Variants in PXDNL observed in about 807,000 individuals in gnomAD.
PXDNL encodes the protein probable oxidoreductase PXDNL.
PXDNL carries 145 observed loss-of-function variants against 150.8 expected under a neutral mutation model. The observed-to-expected ratio is 0.96, with a 90% CI of 0.84 to 1.10. The LOEUF is 1.10. PXDNL is among the 50% of genes least tolerant of loss of function. The pLI, the probability that PXDNL is intolerant of heterozygous loss-of-function variation, is 0.00. For missense variants in PXDNL, 2,087 were observed against 1,873.9 expected (o/e 1.11, Z -2.10); for synonymous variants, 757 against 725.7 (o/e 1.04, Z -0.69).
At chr8:51,486,577 G>A (rs1810741922) in intron 5 of PXDNL, among the ~76,000 whole-genome samples, 1 of 150,810 alleles carries the variant, frequency 6.6e-6, no homozygotes, top group Admixed American at 6.6e-5. Context: ...ATTTGCATGG[G>A]GTGCAAAAAT....
chr8:51,319,763 G>T lies in PXDNL; in HGVS notation c.*128C>A. ...AAGATCGTAAGTATATGTAAGATTA[G>T]ATGAACTAAGTTGCTTAAGTCAGTG... On this transcript the variant is annotated 3_prime_UTR_variant, in exon 23 of 23. Transcript: ENST00000356297. 1.4e-6 allele frequency: 1 copy of T among 692,780 alleles called. No individual in the cohort carries two copies. Among genetic ancestry groups the T allele is most frequent in the Non-Finnish European group, 2.1e-6 (1 of 467,794 alleles). 42.9% of individuals were successfully genotyped at this position (692,780 alleles called of 1,614,324 possible). A position where few individuals can be genotyped will look rare whatever the true frequency, so the allele number is the denominator to read the frequency against.
intron 6 of PXDNL, among the ~76,000 whole-genome samples, chr8:51,483,184 C>A (rs1402052851): frequency 1.3e-5 from 2 of 152,154 alleles, no homozygotes; most frequent in African/African-American, 4.8e-5. Context: ...GTGGAGAACA[C>A]AGACCTTGCA....
At chr8:51,426,474 A>T (rs1563407569) in intron 13 of PXDNL, among the ~76,000 whole-genome samples, 172 bp downstream of exon 13, 1 of 144,790 alleles carries the variant, frequency 6.9e-6, no homozygotes, top group African/African-American at 2.5e-5. Context: ...AGAGTCACTT[A>T]AAAAAAAAAA....
chr8:51,651,948 C>T (rs903195857), intron 2 of PXDNL, among the ~76,000 whole-genome samples: 70 of 152,294 alleles, frequency 4.6e-4, no homozygotes, highest in African/African-American at 1.6e-3. Flanking sequence ...TCCAGCAATA[C>T]ATAACATTTC....
chr8:51,486,776 ATATATATATATATATATATTTTTTTTTTT>A (rs1166896751), intron 5 of PXDNL, among the ~76,000 whole-genome samples: 6 of 9,314 alleles, frequency 6.4e-4, no homozygotes, highest in African/African-American at 1.2e-3. Context: ...ATATATATAT[ATATATATATATATATATATTTTTTTTTTT>A]TTTTTTTTTT....
intron 8 of PXDNL, among the ~76,000 whole-genome samples, chr8:51,463,935 C>T: frequency 6.7e-6 from 1 of 150,344 alleles, no homozygotes; most frequent in South Asian, 2.1e-4. Context: ...TAGAATGCAG[C>T]AAAAGCAATG....
chr8:51,501,716 A>G (rs1811184352), intron 4 of PXDNL, among the ~76,000 whole-genome samples: 1 of 152,102 alleles, frequency 6.6e-6, no homozygotes, highest in African/African-American at 2.4e-5. Context: ...AGTCACACAC[A>G]CATACTCCCA....
chr8:51,693,833 G>A (rs1035820495), intron 1 of PXDNL, among the ~76,000 whole-genome samples: 7 of 152,160 alleles, frequency 4.6e-5, no homozygotes, highest in Non-Finnish European at 5.9e-5. Context: ...TTTGATTCAG[G>A]CTTTTAATAC....
chr8:51,626,006 A>G (rs770211418), intron 2 of PXDNL, among the ~76,000 whole-genome samples: 1 of 152,218 alleles, frequency 6.6e-6, no homozygotes, highest in Non-Finnish European at 1.5e-5. Context: ...TTTACATACA[A>G]ATGTCTGTCA....
intron 1 of PXDNL, among the ~76,000 whole-genome samples, chr8:51,807,801 G>T (rs1464200481): frequency 1.3e-5 from 2 of 152,174 alleles, no homozygotes; most frequent in Non-Finnish European, 2.9e-5. Flanking sequence ...AGGTCGAGTT[G>T]TACCTCATGT....
intron 4 of PXDNL, among the ~76,000 whole-genome samples, chr8:51,516,550 T>C (rs1811544730): frequency 6.6e-6 from 1 of 152,238 alleles, no homozygotes; most frequent in Non-Finnish European, 1.5e-5. Context: ...TTATTTTACT[T>C]TAAATCGACA....
intron 1 of PXDNL, among the ~76,000 whole-genome samples, chr8:51,716,167 T>C (rs1816612486): frequency 6.6e-6 from 1 of 152,328 alleles, no homozygotes; most frequent in South Asian, 2.1e-4. Context: ...CAAAATTCCA[T>C]GTGGGTGCCT....
At chr8:51,548,188 T>G (rs116035059) in intron 4 of PXDNL, among the ~76,000 whole-genome samples, 3,950 of 152,000 alleles carry the variant, frequency 0.026, 93 homozygotes, top group African/African-American at 0.06. Flanking sequence ...CCAGAAATTT[T>G]GGATTATGTT....
chr8:51,380,312 C>G (rs1807494321), intron 17 of PXDNL, among the ~76,000 whole-genome samples: 1 of 152,180 alleles, frequency 6.6e-6, no homozygotes, highest in Non-Finnish European at 1.5e-5. Context: ...TCTTGGCCAT[C>G]AGCTTTACCA....
chr8:51,411,682 G>T (rs1402568398), intron 15 of PXDNL, among the ~76,000 whole-genome samples: 1 of 152,084 alleles, frequency 6.6e-6, no homozygotes, highest in East Asian at 1.9e-4. Flanking sequence ...ATCTATGGTG[G>T]GGTTCTAAAC....
rs950735336 is a variant in PXDNL, at chr8:51,423,666, G to C, written c.1704C>G (p.Tyr568Ter). The C allele has an allele frequency of 6.2e-7, 1 of 1,613,712 alleles. No individual in the cohort carries two copies. Among genetic ancestry groups the C allele is most frequent in the Non-Finnish European group, 8.5e-7 (1 of 1,179,792 alleles). Residue 568 changes from tyrosine to a stop codon, truncating the protein, a stop_gained, in exon 14 of 23, where the codon TAC (tyrosine) becomes TAG (stop). Transcript: ENST00000356297. LOFTEE classifies it high-confidence loss of function. ...HVDDEGTLTI[Y>*]DAGFPDQGRY... The stretch of plus-strand genomic sequence containing the variant: ...TTCCCTGGTCAGGGAACCCTGCGTC[G>C]TAGATAGTCAGCGTGCCTTCATCAT...
intron 12 of PXDNL, among the ~76,000 whole-genome samples, chr8:51,431,640 C>A (rs960657724): frequency 1.3e-5 from 2 of 152,150 alleles, no homozygotes; most frequent in Admixed American, 1.3e-4. Flanking sequence ...TCTATAATAT[C>A]GCTCATAGCT....
At chr8:51,358,602 C>T (rs529021021) in intron 19 of PXDNL, among the ~76,000 whole-genome samples, 4 of 152,164 alleles carry the variant, frequency 2.6e-5, no homozygotes, top group Non-Finnish European at 5.9e-5. Flanking sequence ...CAGCATGTAC[C>T]TCAACCAAAG....
intron 1 of PXDNL, chr8:51,722,083 C>G (rs761804762): frequency 5.7e-6 from 1 of 176,930 alleles, no homozygotes; most frequent in African/African-American, 2.4e-5. Flanking sequence ...TTCTTCCTTC[C>G]GCAAGCAGTT....
Sources: allele counts gnomAD v4.1 joint callset (sites outside exome capture counted in the v4.1 genomes callset), GRCh38; gene constraint gnomAD v4.1.1; transcripts MANE v1.5; gene names NCBI Gene and HGNC (gene_info 2026-07-23, HGNC 2026-07-21).